Variants in CHRM5 observed in about 807,000 individuals in gnomAD.
The protein encoded by CHRM5 is cholinergic receptor muscarinic 5, also known as muscarinic acetylcholine receptor M5.
A neutral mutation model predicts 39.0 loss-of-function variants in CHRM5; 18 were observed. That is an observed-to-expected ratio of 0.46 (90% CI 0.32 to 0.68). The LOEUF (loss-of-function observed/expected upper bound fraction) is 0.68. Ranked by LOEUF, CHRM5 falls within the 30% of genes least tolerant of loss-of-function variation. The pLI, the probability that CHRM5 is intolerant of heterozygous loss-of-function variation, is 0.04. For synonymous variants in CHRM5, 241 were observed against 246.3 expected (o/e 0.98, Z 0.20); for missense variants, 515 against 651.1 (o/e 0.79, Z 2.28).
At chr15:34,019,438 T>TA (rs924369477) in intron 1 of CHRM5, among the ~76,000 whole-genome samples, 3 of 152,176 alleles carry the variant, frequency 2.0e-5, no homozygotes, top group African/African-American at 4.8e-5. Flanking sequence ...GCTAATTATT[T>TA]AAAAAAAGCA....
rs756602032 is a variant in CHRM5, at chr15:34,063,933, C to G, written c.1216C>G (p.Pro406Ala). ...TCACAAGGTGAAAATCATGCCCTGC[C>G]CCTTCCCAGTGGCCAAGGAACCTTC... is the stretch of plus-strand genomic sequence containing the variant. ...GCHKVKIMPC[P>A]FPVAKEPSTK... The change falls in exon 3 of 3, where the codon CCC becomes GCC. Residue 406 changes from proline (P) to alanine (A), a missense_variant. By Grantham distance (27) the Pro-to-Ala change is conservative. Coordinates refer to ENST00000383263, the MANE Select transcript of CHRM5 (RefSeq NM_012125.4). This position sits in a 1 kb window ranked among gnomAD's most constrained non-coding sequence, Gnocchi z 4.1. 1.2e-6 allele frequency: 2 copies of G among 1,614,192 alleles called. No individual in the cohort carries two copies. The highest frequency in any genetic ancestry group is 2.2e-5 in the South Asian group (2 of 91,082).
intron 1 of CHRM5, among the ~76,000 whole-genome samples, chr15:34,042,060 C>A (rs1447309411): frequency 6.6e-6 from 1 of 152,168 alleles, no homozygotes; most frequent in African/African-American, 2.4e-5. Context: ...AAAGTTCTTT[C>A]AACAAGGATA....
chr15:33,983,364 A>T (rs1191138227), intron 1 of CHRM5, among the ~76,000 whole-genome samples: 2 of 151,920 alleles, frequency 1.3e-5, no homozygotes, highest in Admixed American at 6.6e-5. Context: ...TTACAAACGT[A>T]CCCTCATTAA....
intron 1 of CHRM5, among the ~76,000 whole-genome samples, chr15:34,040,458 A>G (rs1030143464): frequency 6.6e-6 from 1 of 152,214 alleles, no homozygotes; most frequent in African/African-American, 2.4e-5. Flanking sequence ...TGTCAACTCC[A>G]GAGAAACAGT....
chr15:33,998,979 C>T (rs561516032), intron 1 of CHRM5, among the ~76,000 whole-genome samples: 15 of 152,336 alleles, frequency 9.8e-5, no homozygotes, highest in African/African-American at 3.6e-4. Flanking sequence ...ATCCTGAACC[C>T]CACATTCCTC....
rs534543276 is a variant in CHRM5, at chr15:34,055,352, A to G, written c.-75-7291A>G. Among the ~76,000 whole-genome samples the G allele has an allele frequency of 1.9e-4, 29 of 151,720 alleles. 1 individual carries two copies. The South Asian group carries it at 3.3e-3, about 17-fold the overall frequency. ...ATCTCTACTAAAAATACAAAAAATT[A>G]TAATTATCTGTGTGTGGTGGTGTGC... On this transcript the variant is annotated intron_variant, in intron 2 of 2. Coordinates refer to ENST00000383263, the MANE Select transcript of CHRM5 (RefSeq NM_012125.4).
At chr15:34,035,574 CT>C (rs1207100991) in intron 1 of CHRM5, among the ~76,000 whole-genome samples, 2 of 152,086 alleles carry the variant, frequency 1.3e-5, no homozygotes, top group African/African-American at 2.4e-5. Flanking sequence ...TTCACCTCTC[CT>C]AACTGTGAGT....
chr15:34,002,141 T>C (rs568265862), intron 1 of CHRM5, among the ~76,000 whole-genome samples: 24 of 152,322 alleles, frequency 1.6e-4, no homozygotes, highest in African/African-American at 5.3e-4. Flanking sequence ...CTGAAACTGA[T>C]ACAATCTGCC....
intron 1 of CHRM5, among the ~76,000 whole-genome samples, chr15:33,971,851 C>A (rs7176348): frequency 0.1 from 15,741 of 152,056 alleles, 2,216 homozygotes; most frequent in African/African-American, 0.32. Context: ...ATGTAGTTCA[C>A]CATGAAGATC....
intron 1 of CHRM5, among the ~76,000 whole-genome samples, chr15:34,046,122 C>G (rs139019666): frequency 6.6e-6 from 1 of 152,266 alleles, no homozygotes; most frequent in East Asian, 1.9e-4. Flanking sequence ...CAACTTTCCT[C>G]AAAAATAAGT....
intron 1 of CHRM5, among the ~76,000 whole-genome samples, chr15:34,021,484 C>T (rs1319466456): frequency 1.3e-5 from 2 of 152,016 alleles, no homozygotes; most frequent in Non-Finnish European, 2.9e-5. Context: ...GGGGTTTCTC[C>T]GTGTTGGTCA....
intron 1 of CHRM5, among the ~76,000 whole-genome samples, chr15:34,002,044 A>G (rs1024931102): frequency 1.3e-5 from 2 of 152,220 alleles, no homozygotes; most frequent in African/African-American, 4.8e-5. Flanking sequence ...AATAATACAG[A>G]AAGATCTCTT....
intron 2 of CHRM5, among the ~76,000 whole-genome samples, chr15:34,061,397 C>T (rs563872092): frequency 9.7e-5 from 1 of 10,260 alleles, no homozygotes; most frequent in African/African-American, 1.1e-4. Flanking sequence ...TCTAGATGTA[C>T]TGATAAAAAG....
At chr15:34,038,609 CCGCCACCAGGCGCGCCCCCG>C (rs71119920) in intron 1 of CHRM5, among the ~76,000 whole-genome samples, 77,005 of 121,730 alleles carry the variant, frequency 0.63, 22,989 homozygotes, top group Non-Finnish European at 0.72. Flanking sequence ...AGGCGCGCCC[CCGCCACCAGGCGCGCCCCCG>C]CGCCACCATC....
At position 34,064,049 on chromosome 15, in the gene CHRM5, G is replaced by A; in HGVS notation, c.1332G>A (p.Leu444=). 6.2e-7 allele frequency: 1 copy of A among 1,614,164 alleles called. No individual in the cohort carries two copies. Among genetic ancestry groups the A allele is most frequent in the Non-Finnish European group, 8.5e-7 (1 of 1,180,040 alleles). Reference sequence around the variant, plus strand: ...AAGAGAGGAAAGCAGCCCAGACACTGAGTGCCATTCTCCTGGCCTTCATCA... The same window carrying A: ...AAGAGAGGAAAGCAGCCCAGACACTAAGTGCCATTCTCCTGGCCTTCATCA... ...LVKERKAAQT[L]SAILLAFIIT... is the part of the protein sequence containing the mutation. The change falls in exon 3 of 3, where the codon CTG becomes CTA. Residue 444 remains leucine, a synonymous_variant. Coordinates refer to ENST00000383263, the MANE Select transcript of CHRM5 (RefSeq NM_012125.4).
intron 1 of CHRM5, among the ~76,000 whole-genome samples, chr15:34,016,185 G>C (rs1882764138): frequency 6.6e-6 from 1 of 152,298 alleles, no homozygotes; most frequent in African/African-American, 2.4e-5. Context: ...AGTGAGCCAA[G>C]ATCGTGCCAT....
intron 1 of CHRM5, among the ~76,000 whole-genome samples, chr15:33,976,681 A>G (rs1895902861): frequency 6.6e-6 from 1 of 152,194 alleles, no homozygotes; most frequent in East Asian, 1.9e-4. Flanking sequence ...AATATTTTAA[A>G]TAAATGTAAA....
At chr15:34,054,662 C>A (rs1249536297) in intron 2 of CHRM5, among the ~76,000 whole-genome samples, 5 of 152,058 alleles carry the variant, frequency 3.3e-5, no homozygotes, top group Non-Finnish European at 7.4e-5. Flanking sequence ...TCCAGGGAAA[C>A]AACACACACT....
Position 34,064,006 on chromosome 15 carries a change from A to C in CHRM5, c.1289A>C (p.Lys430Thr), listed in dbSNP as rs1388819762. The C allele has an allele frequency of 2.5e-6, 4 of 1,614,038 alleles. No homozygotes were observed. Among genetic ancestry groups the C allele is most frequent in the Non-Finnish European group, 3.4e-6 (4 of 1,180,028 alleles). The stretch of plus-strand genomic sequence containing the variant: ...CCCAGCCATCAAATGACCAAACGAA[A>C]GAGAGTGGTCCTAGTCAAAGAGAGG... ...PNPSHQMTKR[K>T]RVVLVKERKA... Residue 430 changes from lysine (K) to threonine (T), a missense_variant, in exon 3 of 3, where the codon AAG becomes ACG. Physicochemically the swap from Lys to Thr is moderately conservative, Grantham distance 78. Transcript: ENST00000383263.
Sources: allele counts gnomAD v4.1 joint callset (sites outside exome capture counted in the v4.1 genomes callset), GRCh38; gene constraint gnomAD v4.1.1; non-coding constraint Gnocchi (gnomAD v3.1); transcripts MANE v1.5; gene names NCBI Gene and HGNC (gene_info 2026-07-23, HGNC 2026-07-21).